Variants in RIT2 observed in about 807,000 individuals in gnomAD.
The protein encoded by RIT2 is GTP-binding protein Rit2.
In RIT2, 24 loss-of-function variants were observed where a neutral mutation model predicts 23.7. The ratio of observed to expected loss-of-function variants is 1.01; its 90% CI spans 0.73 to 1.43. The LOEUF is 1.43. RIT2 is among the 40% of genes most tolerant of loss of function. The pLI is 0.00. For missense variants in RIT2, 236 were observed against 266.9 expected, an observed-to-expected ratio of 0.88 and a Z score of 0.81; for synonymous variants, 107 against 91.1, an observed-to-expected ratio of 1.17 and a Z score of -0.99.
chr18:42,860,874 GT>G (rs1315301935), intron 4 of RIT2, among the ~76,000 whole-genome samples: 1 of 152,062 alleles, frequency 6.6e-6, no homozygotes, highest in Non-Finnish European at 1.5e-5. Context: ...GTTACCCTTT[GT>G]ATGAGGGAAA....
At chr18:42,778,860 G>T (rs1240481552) in intron 4 of RIT2, among the ~76,000 whole-genome samples, 2 of 152,138 alleles carry the variant, frequency 1.3e-5, no homozygotes, top group Non-Finnish European at 2.9e-5. Flanking sequence ...CACAAAAAAA[G>T]AGGCAATCCA....
chr18:42,950,294 G>T (rs1909819902), intron 3 of RIT2, among the ~76,000 whole-genome samples: 1 of 152,074 alleles, frequency 6.6e-6, no homozygotes, highest in Non-Finnish European at 1.5e-5. Flanking sequence ...AAACAATGGG[G>T]AATGGACTCC....
intron 1 of RIT2, among the ~76,000 whole-genome samples, chr18:43,078,387 G>T (rs1913074229): frequency 6.6e-6 from 1 of 152,148 alleles, no homozygotes; most frequent in Admixed American, 6.5e-5. Flanking sequence ...CTTCCAGCTA[G>T]TCTTCCTTCC....
intron 4 of RIT2, among the ~76,000 whole-genome samples, chr18:42,880,972 T>G (rs565854438): frequency 6.6e-6 from 1 of 152,190 alleles, no homozygotes; most frequent in African/African-American, 2.4e-5. Flanking sequence ...CATGCCAGGC[T>G]AACTTTGTAT....
At chr18:42,842,188 A>G (rs1195461204) in intron 4 of RIT2, among the ~76,000 whole-genome samples, 2 of 152,164 alleles carry the variant, frequency 1.3e-5, no homozygotes, top group Non-Finnish European at 2.9e-5. Flanking sequence ...AGGTCTGATT[A>G]CCATTTGTTA....
At position 42,988,317 on chromosome 18, in the gene RIT2, A is replaced by G. The variant is rs1161271045; in HGVS notation, c.161-14170T>C. On this transcript the variant is annotated intron_variant, in intron 2 of 4. Coordinates refer to ENST00000326695, the MANE Select transcript of RIT2 (RefSeq NM_002930.4). Reference sequence around the variant, plus strand: ...CTGTTCCTATTTTTACGGTAACACTATATTTGCATAAAATTAACCCATGAT... The same window carrying G: ...CTGTTCCTATTTTTACGGTAACACTGTATTTGCATAAAATTAACCCATGAT... Among the ~76,000 whole-genome samples the G allele has an allele frequency of 3.3e-5, 5 of 152,212 alleles. No individual in the cohort carries two copies. In the East Asian group the frequency reaches 9.6e-4, roughly 29 times the overall value.
At chr18:43,111,696 T>C (rs1913957755) in intron 1 of RIT2, among the ~76,000 whole-genome samples, 1 of 152,190 alleles carries the variant, frequency 6.6e-6, no homozygotes, top group Non-Finnish European at 1.5e-5. Context: ...TCTATACTTG[T>C]TCCTCCTAAA....
At chr18:42,875,569 T>C (rs1369882883) in intron 4 of RIT2, among the ~76,000 whole-genome samples, 6 of 152,076 alleles carry the variant, frequency 3.9e-5, no homozygotes, top group Non-Finnish European at 8.8e-5. Context: ...GCCCTCCTTA[T>C]TCAATATGCT....
intron 4 of RIT2, among the ~76,000 whole-genome samples, chr18:42,877,173 A>G (rs2144072537): frequency 6.6e-6 from 1 of 152,040 alleles, no homozygotes; most frequent in Middle Eastern, 3.4e-3. Context: ...AAAAGAATCA[A>G]GACAGCTCAG....
chr18:42,804,686 A>C (rs1905634323), intron 4 of RIT2, among the ~76,000 whole-genome samples: 1 of 152,116 alleles, frequency 6.6e-6, no homozygotes, highest in African/African-American at 2.4e-5. Flanking sequence ...CTTGGTCCCG[A>C]AAGTAAGTGT....
At chr18:43,041,829 A>G (rs1273184269) in intron 1 of RIT2, among the ~76,000 whole-genome samples, 5 of 152,094 alleles carry the variant, frequency 3.3e-5, no homozygotes, top group Non-Finnish European at 5.9e-5. Flanking sequence ...TGACAATATT[A>G]TATATCACCC....
At chr18:42,846,137 G>A (rs1316663861) in intron 4 of RIT2, among the ~76,000 whole-genome samples, 1 of 151,788 alleles carries the variant, frequency 6.6e-6, no homozygotes, top group African/African-American at 2.4e-5. Flanking sequence ...TGGACATACT[G>A]AGCAAAAAAG....
intron 4 of RIT2, among the ~76,000 whole-genome samples, chr18:42,888,525 T>TTA (rs1449668166): frequency 2.0e-5 from 3 of 151,944 alleles, no homozygotes; most frequent in Non-Finnish European, 4.4e-5. Context: ...ATCTGTTTTT[T>TTA]TTTTATTTTT....
At chr18:42,930,533 A>C (rs1342418437) in intron 3 of RIT2, among the ~76,000 whole-genome samples, 3 of 152,104 alleles carry the variant, frequency 2.0e-5, no homozygotes, top group Non-Finnish European at 2.9e-5. Context: ...CTGCCTCGCC[A>C]AGGAAAGAAA....
intron 4 of RIT2, among the ~76,000 whole-genome samples, chr18:42,826,168 C>T (rs749635286): frequency 9.9e-5 from 15 of 152,066 alleles, no homozygotes; most frequent in East Asian, 9.7e-4. Context: ...ACGTTTTTCA[C>T]GCACACACAA....
At chr18:43,027,297 GTAGAAGAAGTGGGGTCA>G (rs2144275535) in intron 2 of RIT2, among the ~76,000 whole-genome samples, 1 of 152,212 alleles carries the variant, frequency 6.6e-6, no homozygotes, top group East Asian at 1.9e-4. Context: ...AAAGGCACTA[GTAGAAGAAGTGGGGTCA>G]TAAACGAATT....
At chr18:43,063,114 T>G (rs1325537135) in intron 1 of RIT2, among the ~76,000 whole-genome samples, 3 of 152,194 alleles carry the variant, frequency 2.0e-5, no homozygotes, top group African/African-American at 7.2e-5. Context: ...AAATTACAGC[T>G]GGACTCATGC....
intron 1 of RIT2, among the ~76,000 whole-genome samples, chr18:43,060,869 G>A (rs1271219902): frequency 1.3e-5 from 2 of 152,022 alleles, no homozygotes; most frequent in East Asian, 3.9e-4. Flanking sequence ...TCCGACATGA[G>A]GAAAGCATCG....
chr18:42,939,668 T>A (rs1909546482), intron 3 of RIT2, among the ~76,000 whole-genome samples: 1 of 136,516 alleles, frequency 7.3e-6, no homozygotes, highest in East Asian at 4.2e-4. Context: ...GCCTATAAAG[T>A]TTTTTTGCAA....
Sources: allele counts gnomAD v4.1 joint callset (sites outside exome capture counted in the v4.1 genomes callset), GRCh38; gene constraint gnomAD v4.1.1; transcripts MANE v1.5; gene names NCBI Gene and HGNC (gene_info 2026-07-23, HGNC 2026-07-21).